Variants in SLC44A1 observed in about 807,000 individuals in gnomAD.
SLC44A1 encodes the protein choline transporter-like protein 1.
A neutral mutation model predicts 79.3 loss-of-function variants in SLC44A1; 26 were observed. The ratio of observed to expected loss-of-function variants is 0.33; its 90% CI spans 0.24 to 0.46. The LOEUF (loss-of-function observed/expected upper bound fraction) is 0.46. Ranked by LOEUF, SLC44A1 falls within the 20% of genes least tolerant of loss-of-function variation. The probability of loss-of-function intolerance (pLI) is 1.00; values close to 1 mark genes in which losing one functional copy is unlikely to be tolerated. For missense variants in SLC44A1, 688 were observed against 798.1 expected (o/e 0.86, Z 1.66); for synonymous variants, 263 against 286.2 (o/e 0.92, Z 0.82).
intron 1 of SLC44A1, among the ~76,000 whole-genome samples, chr9:105,259,420 G>A (rs983944001): frequency 2.0e-5 from 3 of 152,198 alleles, no homozygotes; most frequent in Admixed American, 6.5e-5. Flanking sequence ...AGAGGAAAGG[G>A]TGAAGAAAAT....
intron 1 of SLC44A1, among the ~76,000 whole-genome samples, chr9:105,257,490 G>A (rs113849167): frequency 1.2e-3 from 177 of 152,094 alleles, no homozygotes; most frequent in African/African-American, 3.8e-3. Context: ...CTTGGCCTCC[G>A]AAGTGCTGGG....
At chr9:105,337,916 T>G (rs1826973550) in intron 4 of SLC44A1, among the ~76,000 whole-genome samples, 1 of 152,228 alleles carries the variant, frequency 6.6e-6, no homozygotes, top group East Asian at 1.9e-4. Context: ...AAGAAGACCC[T>G]CCTGGTGGGT....
Position 105,335,583 on chromosome 9 carries a change from C to T in SLC44A1, c.290C>T (p.Pro97Leu), listed in dbSNP as rs778612083. ...TQRKYVFFLD[P>L]CNLDLINRKI... ...TTTAGGTATGTATTCTTTTTGGATC[C>T]ATGCAACCTGGACTTGATAAACCGG... is the stretch of plus-strand genomic sequence containing the variant. Residue 97 changes from proline to leucine, a missense_variant, in exon 4 of 16, where the codon CCA (proline) becomes CTA (leucine). Pro to Leu is a moderately conservative substitution (Grantham distance 98, BLOSUM62 -3). Coordinates refer to ENST00000374720, the MANE Select transcript of SLC44A1 (RefSeq NM_080546.5). 1.2e-5 allele frequency: 20 copies of T among 1,611,362 alleles called. No homozygotes were observed. The highest frequency in any genetic ancestry group is 5.5e-5 in the South Asian group (5 of 90,544).
At chr9:105,351,918 A>G (rs1014123695) in intron 5 of SLC44A1, among the ~76,000 whole-genome samples, 1 of 152,192 alleles carries the variant, frequency 6.6e-6, no homozygotes, top group Non-Finnish European at 1.5e-5. Context: ...TGAATCCAGG[A>G]TGTTGTAGTC....
At chr9:105,281,557 C>A (rs953082636) in intron 1 of SLC44A1, among the ~76,000 whole-genome samples, 3 of 152,076 alleles carry the variant, frequency 2.0e-5, no homozygotes, top group African/African-American at 7.2e-5. Flanking sequence ...TGATACGGGC[C>A]AGGCAGACAT....
At chr9:105,365,411 C>A in intron 10 of SLC44A1, 72 bp from the exon 11 acceptor site, 1 of 1,265,714 alleles carries the variant, frequency 7.9e-7, no homozygotes, top group Non-Finnish European at 1.1e-6. Flanking sequence ...GCGTTGGACT[C>A]TAAACCATAC....
intron 1 of SLC44A1, among the ~76,000 whole-genome samples, chr9:105,273,632 ATG>A (rs1830128480): frequency 6.6e-6 from 1 of 152,034 alleles, no homozygotes; most frequent in Admixed American, 6.5e-5. Flanking sequence ...AATCTTGAAG[ATG>A]TGAGTCCATT....
rs529451668 is a variant in SLC44A1, at chr9:105,358,102, A to G, written c.671-242A>G. ...TTTTTGAGTCACCATGTGCATTTGC[A>G]TGTATTTTTTTCTGTAGTTTATAAA... is the stretch of plus-strand genomic sequence containing the variant. On this transcript the variant is annotated intron_variant, in intron 6 of 15. Transcript: ENST00000374720. Among the ~76,000 whole-genome samples the G allele has an allele frequency of 7.9e-5, 12 of 152,274 alleles. No homozygotes were observed. In the South Asian group the frequency reaches 2.5e-3, roughly 32 times the overall value.
At chr9:105,314,882 G>A (rs886498034) in intron 3 of SLC44A1, among the ~76,000 whole-genome samples, 2 of 152,208 alleles carry the variant, frequency 1.3e-5, no homozygotes, top group African/African-American at 4.8e-5. Flanking sequence ...TAAAATGTAT[G>A]TGCTAAAACA....
chr9:105,424,932 G>T (rs1829300022), intron 15 of SLC44A1, among the ~76,000 whole-genome samples: 1 of 141,386 alleles, frequency 7.1e-6, no homozygotes, highest in African/African-American at 2.8e-5. Context: ...CTGGGCAACA[G>T]AGTAAGACTC....
intron 1 of SLC44A1, among the ~76,000 whole-genome samples, chr9:105,252,379 G>C (rs915101432): frequency 5.9e-5 from 9 of 152,164 alleles, no homozygotes; most frequent in African/African-American, 1.9e-4. Context: ...CAGATATTCT[G>C]TTTCCCTCCA....
intron 13 of SLC44A1, among the ~76,000 whole-genome samples, chr9:105,381,843 G>A (rs1020560611): frequency 4.6e-5 from 7 of 152,162 alleles, no homozygotes; most frequent in African/African-American, 1.7e-4. Context: ...TAAGATAATG[G>A]TGAATGAGAA....
chr9:105,417,632 A>G, intron 15 of SLC44A1, among the ~76,000 whole-genome samples: 1 of 152,102 alleles, frequency 6.6e-6, no homozygotes, highest in East Asian at 1.9e-4. Context: ...AGTGCCCAAC[A>G]CACAGCAGAT....
chr9:105,404,768 G>T (rs1720855668), intron 15 of SLC44A1, among the ~76,000 whole-genome samples: 2 of 152,218 alleles, frequency 1.3e-5, no homozygotes, highest in Admixed American at 6.5e-5. Flanking sequence ...TATGGATATA[G>T]ATTTGAATCT....
chr9:105,385,437 A>T lies in SLC44A1; in HGVS notation c.1885A>T (p.Ser629Cys). 2 of 1,585,464 alleles carry T rather than the reference A, an allele frequency of 1.3e-6. No homozygotes were observed. Among genetic ancestry groups the T allele is most frequent in the Non-Finnish European group, 1.7e-6 (2 of 1,165,306 alleles). ...TATTTTGCAGGAGTTTGTGGAAAACAGTAGGAAAGCAATGAAAGAAGCTGG... is the reference window on the plus strand; with the variant it reads ...TATTTTGCAGGAGTTTGTGGAAAACTGTAGGAAAGCAATGAAAGAAGCTGG... ...DKVLMEFVEN[S>C]RKAMKEAGKG... is the part of the protein sequence containing the mutation. The change falls in exon 15 of 16, where the codon AGT becomes TGT. Residue 629 changes from serine to cysteine, a missense_variant. Transcript: ENST00000374720.
chr9:105,329,555 C>T (rs1287105484), intron 3 of SLC44A1, among the ~76,000 whole-genome samples: 1 of 152,158 alleles, frequency 6.6e-6, no homozygotes, highest in African/African-American at 2.4e-5. Flanking sequence ...CCCTCTCTAG[C>T]CTTCAATTCG....
chr9:105,350,646 TTC>T (rs1827377107), intron 5 of SLC44A1, among the ~76,000 whole-genome samples: 1 of 152,198 alleles, frequency 6.6e-6, no homozygotes, highest in African/African-American at 2.4e-5. Context: ...TATAATTACT[TTC>T]TGTTTGTCAC....
chr9:105,253,516 C>G (rs1393973888), intron 1 of SLC44A1, among the ~76,000 whole-genome samples: 2 of 152,030 alleles, frequency 1.3e-5, no homozygotes, highest in East Asian at 1.9e-4. Context: ...TTACTTGAAG[C>G]CAGGAGTTCT....
At position 105,300,291 on chromosome 9, in the gene SLC44A1, A is replaced by T. The variant is rs140592759; in HGVS notation, c.126+982A>T. Among the ~76,000 whole-genome samples, 104 of 152,294 alleles carry T rather than the reference A, an allele frequency of 6.8e-4. 1 individual carries two copies. Among genetic ancestry groups the T allele is most frequent in the Middle Eastern group, 3.4e-3 (1 of 294 alleles). On this transcript the variant is annotated intron_variant, in intron 2 of 15. Coordinates refer to ENST00000374720, the MANE Select transcript of SLC44A1 (RefSeq NM_080546.5). Reference sequence around the variant, plus strand: ...CCTCTTCCTCAAGGGGACTCTGCAGATACATTATTGCTCTCTCTTTCTTAG... The same window carrying T: ...CCTCTTCCTCAAGGGGACTCTGCAGTTACATTATTGCTCTCTCTTTCTTAG...
Sources: allele counts gnomAD v4.1 joint callset (sites outside exome capture counted in the v4.1 genomes callset), GRCh38; gene constraint gnomAD v4.1.1; transcripts MANE v1.5; gene names NCBI Gene and HGNC (gene_info 2026-07-23, HGNC 2026-07-21).